LMBR1: variants seen among roughly 807,000 people sequenced by gnomAD.
LMBR1 encodes the protein limb region 1 protein homolog.
LMBR1 carries 52 observed loss-of-function variants against 73.9 expected under a neutral mutation model. The ratio of observed to expected loss-of-function variants is 0.70; its 90% confidence interval spans 0.56 to 0.89. LMBR1 has a LOEUF of 0.89. LMBR1 is among the 40% of genes least tolerant of loss of function. The pLI is 0.00. For synonymous variants in LMBR1, 215 were observed against 209.4 expected, an observed-to-expected ratio of 1.03 and a Z score of -0.23; for missense variants, 539 against 579.8, an observed-to-expected ratio of 0.93 and a Z score of 0.72.
intron 1 of LMBR1, among the ~76,000 whole-genome samples, chr7:156,887,260 T>C (rs1185062569): frequency 2.0e-5 from 3 of 152,044 alleles, no homozygotes; most frequent in Non-Finnish European, 2.9e-5. Flanking sequence ...GTCAAGAGAT[T>C]GAGACCATTC....
At chr7:156,676,722 A>G, downstream of LMBR1, 1 of 1,185,832 alleles carries the variant, frequency 8.4e-7, no homozygotes, top group Non-Finnish European at 1.2e-6. Context: ...GATGAACTGC[A>G]TGAGTTCTGG....
intron 1 of LMBR1, 79 bp downstream of exon 1, chr7:156,892,849 G>GA (rs1803398881): frequency 1.5e-6 from 1 of 647,916 alleles, no homozygotes; most frequent in African/African-American, 3.5e-5. Flanking sequence ...AGGGGTCCGG[G>GA]GACCGGGGGC....
chr7:156,876,286 A>G (rs900402207), intron 1 of LMBR1, among the ~76,000 whole-genome samples: 5 of 152,332 alleles, frequency 3.3e-5, no homozygotes, highest in South Asian at 2.1e-4. Context: ...ATAAATATAT[A>G]TGCACCTAAC....
rs554898016 is a variant in LMBR1 at position 156,826,489 on chromosome 7, G to A, written c.319+116C>T. On this transcript the variant is annotated intron_variant, in intron 4 of 16. Coordinates refer to ENST00000353442, the MANE Select transcript of LMBR1 (RefSeq NM_022458.4). ...TCTGACATTATTAAAGACCCAAATC[G>A]TTTACTGGAGGAAGTCACAAATTAT... is the stretch of plus-strand genomic sequence containing the variant. The A allele has an allele frequency of 1.8e-4, 114 of 626,606 alleles. 1 individual carries two copies. In the African/African-American group the frequency reaches 1.8e-3, roughly 10 times the overall value. The allele number at this position is 626,606 out of a possible 1,614,324, so 38.8% of individuals were successfully genotyped here.
chr7:156,802,944 T>C (rs201875948), intron 4 of LMBR1, among the ~76,000 whole-genome samples: 3,980 of 151,746 alleles, frequency 0.026, 179 homozygotes, highest in African/African-American at 0.092. Flanking sequence ...AACTGGCTAG[T>C]CATATGTAGA....
intron 3 of LMBR1, 151 bp from the exon 4 acceptor site, chr7:156,826,895 A>G (rs1835799385): frequency 1.5e-6 from 1 of 684,878 alleles, no homozygotes; most frequent in African/African-American, 1.8e-5. Context: ...GACAAATGAT[A>G]TACATATGGG....
chr7:156,885,225 C>T (rs1460127629), intron 1 of LMBR1, among the ~76,000 whole-genome samples: 3 of 151,842 alleles, frequency 2.0e-5, no homozygotes, highest in East Asian at 3.9e-4. Flanking sequence ...TGGTGGCAGG[C>T]GCCTGTAATC....
At chr7:156,785,450 C>T (rs757295947) in intron 5 of LMBR1, among the ~76,000 whole-genome samples, 1 of 152,046 alleles carries the variant, frequency 6.6e-6, no homozygotes, top group East Asian at 1.9e-4. Context: ...AAATAAGACC[C>T]AGGAGAGGTA....
At chr7:156,761,772 T>C (rs6957258) in intron 8 of LMBR1, among the ~76,000 whole-genome samples, 16,171 of 151,880 alleles carry the variant, frequency 0.11, 909 homozygotes, top group East Asian at 0.15. Flanking sequence ...GTCAGGAGAT[T>C]GAGACCACCC....
intron 10 of LMBR1, among the ~76,000 whole-genome samples, chr7:156,732,421 T>C (rs936628451): frequency 6.6e-6 from 1 of 151,616 alleles, no homozygotes; most frequent in Non-Finnish European, 1.5e-5. Context: ...TCAGCTGGAG[T>C]CTGTGCAGCA....
chr7:156,829,337 A>C (rs1451296132), intron 3 of LMBR1, among the ~76,000 whole-genome samples: 1 of 152,204 alleles, frequency 6.6e-6, no homozygotes, highest in Non-Finnish European at 1.5e-5. Flanking sequence ...GTGATCCCCC[A>C]GTGTTGGAGG....
intron 9 of LMBR1, among the ~76,000 whole-genome samples, chr7:156,746,948 T>C (rs1471521289): frequency 6.6e-6 from 1 of 152,126 alleles, no homozygotes; most frequent in Non-Finnish European, 1.5e-5. Flanking sequence ...TAAGTCAAAC[T>C]GGTAGACAAA....
chr7:156,774,057 AG>A (rs1161378435), intron 5 of LMBR1, among the ~76,000 whole-genome samples: 3 of 152,206 alleles, frequency 2.0e-5, no homozygotes, highest in Non-Finnish European at 2.9e-5. Flanking sequence ...GGCAAAGAAT[AG>A]GAAGAGACAC....
intron 5 of LMBR1, among the ~76,000 whole-genome samples, chr7:156,768,671 T>C (rs1265378541): frequency 6.6e-6 from 1 of 152,102 alleles, no homozygotes; most frequent in African/African-American, 2.4e-5. Flanking sequence ...CTTTTTCACA[T>C]GAAACCTTGA....
chr7:156,868,023 G>A (rs1181419791), intron 1 of LMBR1, among the ~76,000 whole-genome samples: 1 of 152,026 alleles, frequency 6.6e-6, no homozygotes, highest in Non-Finnish European at 1.5e-5. Context: ...AAGGATGGTG[G>A]AAAGAAAATT....
At chr7:156,761,604 C>T (rs1563298551) in intron 8 of LMBR1, among the ~76,000 whole-genome samples, 1 of 152,076 alleles carries the variant, frequency 6.6e-6, no homozygotes, top group Non-Finnish European at 1.5e-5. Flanking sequence ...TTTACCTATG[C>T]ACCTATAGTT....
At chr7:156,705,737 C>A (rs1470096350) in intron 15 of LMBR1, among the ~76,000 whole-genome samples, 1 of 152,064 alleles carries the variant, frequency 6.6e-6, no homozygotes, top group Non-Finnish European at 1.5e-5. Flanking sequence ...GGAAGATATT[C>A]ACCGTCATGA....
intron 1 of LMBR1, among the ~76,000 whole-genome samples, chr7:156,843,240 T>C (rs1839023081): frequency 6.6e-6 from 1 of 152,116 alleles, no homozygotes; most frequent in African/African-American, 2.4e-5. Context: ...TAACATCAAA[T>C]ACTCCCAGGA....
chr7:156,690,595 T>C (rs1806975700), intron 15 of LMBR1, among the ~76,000 whole-genome samples: 1 of 152,226 alleles, frequency 6.6e-6, no homozygotes, highest in African/African-American at 2.4e-5. Flanking sequence ...GGTCAAGACT[T>C]AGACATATCT....
Sources: allele counts gnomAD v4.1 joint callset (sites outside exome capture counted in the v4.1 genomes callset), GRCh38; gene constraint gnomAD v4.1.1; transcripts MANE v1.5; gene names NCBI Gene and HGNC (gene_info 2026-07-23, HGNC 2026-07-21).